SPEF2: variants seen among roughly 807,000 people sequenced by gnomAD.
SPEF2 encodes sperm flagellar and cilia associated 2.
A neutral mutation model predicts 224.6 loss-of-function variants in SPEF2; 187 were observed. The observed-to-expected ratio is 0.83, with a 90% CI of 0.74 to 0.94. SPEF2 has a LOEUF of 0.94. SPEF2 is among the 40% of genes least tolerant of loss of function. The probability of loss-of-function intolerance (pLI) is 0.00; values close to 1 mark genes in which losing one functional copy is unlikely to be tolerated. For missense variants in SPEF2, 2,170 were observed against 2,135.6 expected (o/e 1.02, Z -0.32); for synonymous variants, 715 against 707.3 (o/e 1.01, Z -0.17).
chr5:35,704,443 T>G, intron 16 of SPEF2, 111 bp from the exon 17 acceptor site: 1 of 626,076 alleles, frequency 1.6e-6, no homozygotes, highest in South Asian at 2.2e-5. Flanking sequence ...TAAGTAACAC[T>G]GGACCAAATA....
intron 3 of SPEF2, chr5:35,643,797 C>A: frequency 4.0e-6 from 1 of 252,788 alleles, no homozygotes; most frequent in African/African-American, 2.2e-5. Context: ...ACTGGATCTT[C>A]ACAACAGCCA....
intron 30 of SPEF2, among the ~76,000 whole-genome samples, chr5:35,785,832 C>G (rs1464882010): frequency 6.6e-6 from 1 of 151,858 alleles, no homozygotes; most frequent in Non-Finnish European, 1.5e-5. Context: ...GCTGAGAGTA[C>G]AGCCATGAGC....
At position 35,691,793 on chromosome 5, in the gene SPEF2, T is replaced by TTTTA. The variant is rs1405362639; in HGVS notation, c.1744+553_1744+556dup. Among the ~76,000 whole-genome samples, 5 of 152,250 alleles carry TTTTA rather than the reference T, an allele frequency of 3.3e-5. No homozygotes were observed. In the South Asian group the frequency reaches 1.0e-3, roughly 32 times the overall value. On this transcript the variant is annotated intron_variant, in intron 11 of 36. Transcript: ENST00000356031. The stretch of plus-strand genomic sequence containing the variant: ...ATCACAATTTTTATCTTTGTTTTAT[T>TTTTA]TTTATTTATTTATTTATTTTTTCGA...
intron 20 of SPEF2, among the ~76,000 whole-genome samples, chr5:35,725,480 C>T (rs1391373674): frequency 6.6e-6 from 1 of 152,132 alleles, no homozygotes; most frequent in Non-Finnish European, 1.5e-5. Context: ...ATCTTTTCCT[C>T]CCTCCTACAA....
chr5:35,678,959 A>T (rs1043129671), intron 10 of SPEF2, among the ~76,000 whole-genome samples: 1 of 152,168 alleles, frequency 6.6e-6, no homozygotes, highest in Non-Finnish European at 1.5e-5. Flanking sequence ...CAAATGTTTA[A>T]ATCTGAATAA....
intron 34 of SPEF2, among the ~76,000 whole-genome samples, chr5:35,805,190 C>G (rs926534849): frequency 6.6e-6 from 1 of 151,950 alleles, no homozygotes; most frequent in African/African-American, 2.4e-5. Flanking sequence ...TAGAGCATTC[C>G]CTCTGTCTTT....
At position 35,694,386 on chromosome 5, in the gene SPEF2, C is replaced by G. The variant is rs74742706; in HGVS notation, c.1975+23C>G. 47 of 1,329,626 alleles carry G rather than the reference C, an allele frequency of 3.5e-5. No individual in the cohort carries two copies. The South Asian group carries it at 6.6e-4, about 19-fold the overall frequency. The allele number at this position is 1,329,626 out of a possible 1,614,324, so 82.4% of individuals were successfully genotyped here. Reference sequence around the variant, plus strand: ...TTAGTAAGATCTCAAAACAAATCATCTATTATTTACATTAGAGAGAGAAAC... The same window carrying G: ...TTAGTAAGATCTCAAAACAAATCATGTATTATTTACATTAGAGAGAGAAAC... On this transcript the variant is annotated intron_variant, in intron 13 of 36. Transcript: ENST00000356031.
rs187919805 is a variant in SPEF2 at position 35,795,083 on chromosome 5, C to T, written c.4738-620C>T. ...AAAATTTTATAAGATTTGTCGAAAA[C>T]GCCCCATTAGGACAGTAAAATAGTA... On this transcript the variant is annotated intron_variant, in intron 32 of 36. Coordinates refer to ENST00000356031, the MANE Select transcript of SPEF2 (RefSeq NM_024867.4). Among the ~76,000 whole-genome samples, 68 of 152,106 alleles carry T rather than the reference C, an allele frequency of 4.5e-4. 1 individual carries two copies. In the East Asian group the frequency reaches 0.011, roughly 25 times the overall value.
At chr5:35,798,872 C>T (rs547942916) in intron 33 of SPEF2, among the ~76,000 whole-genome samples, 11 of 152,020 alleles carry the variant, frequency 7.2e-5, no homozygotes, top group African/African-American at 2.7e-4. Context: ...GCTGGGATTA[C>T]AGACATGAGC....
intron 33 of SPEF2, among the ~76,000 whole-genome samples, chr5:35,799,535 G>A (rs769546268): frequency 2.0e-5 from 3 of 152,076 alleles, no homozygotes; most frequent in Non-Finnish European, 2.9e-5. Flanking sequence ...AATCCCAGTG[G>A]CTTTAGGCAT....
intron 24 of SPEF2, among the ~76,000 whole-genome samples, chr5:35,754,282 G>A (rs1234352065): frequency 1.3e-5 from 2 of 152,290 alleles, no homozygotes; most frequent in Non-Finnish European, 2.9e-5. Context: ...GGCAAGATTA[G>A]AAGACAGGTG....
rs910236734 is a variant in SPEF2 at position 35,618,809 on chromosome 5, G to A, written c.58+754G>A. ...AACCACAGAGACAATTTTACATGCT[G>A]GCAGCTTCCTTGACTGCCCTGTAAT... On this transcript the variant is annotated intron_variant, in intron 1 of 36. Coordinates refer to ENST00000356031, the MANE Select transcript of SPEF2 (RefSeq NM_024867.4). Among the ~76,000 whole-genome samples the A allele has an allele frequency of 3.0e-4, 45 of 151,940 alleles. 1 individual carries two copies.
chr5:35,752,216 G>A (rs907954283), intron 23 of SPEF2, among the ~76,000 whole-genome samples: 1 of 152,042 alleles, frequency 6.6e-6, no homozygotes, highest in East Asian at 1.9e-4. Flanking sequence ...GTACCACCTC[G>A]CGGCCCAAGG....
chr5:35,630,134 C>T (rs765145543), intron 2 of SPEF2, among the ~76,000 whole-genome samples: 8 of 152,148 alleles, frequency 5.3e-5, no homozygotes, highest in African/African-American at 1.2e-4. Flanking sequence ...TGGACAGCTC[C>T]GTCCCTGTGG....
intron 23 of SPEF2, among the ~76,000 whole-genome samples, chr5:35,745,508 G>C (rs953418871): frequency 6.6e-6 from 1 of 152,014 alleles, no homozygotes; most frequent in African/African-American, 2.4e-5. Context: ...CCGGCCCTTA[G>C]GTTTGCATGG....
Position 35,620,819 on chromosome 5 carries a change from T to C in SPEF2, c.58+2764T>C, listed in dbSNP as rs191826379. 1.0e-3 allele frequency among the ~76,000 whole-genome samples: 152 copies of C among 152,308 alleles called. 1 individual carries two copies. The highest frequency in any genetic ancestry group is 3.5e-3 in the African/African-American group (146 of 41,582). Reference sequence around the variant, plus strand: ...AGTATAATTATATATTTGTACCAATTAGGAAACACACACTTATGAATATGG... The same window carrying C: ...AGTATAATTATATATTTGTACCAATCAGGAAACACACACTTATGAATATGG... On this transcript the variant is annotated intron_variant, in intron 1 of 36. Coordinates refer to ENST00000356031, the MANE Select transcript of SPEF2 (RefSeq NM_024867.4).
At chr5:35,756,269 T>C (rs977124942) in intron 24 of SPEF2, among the ~76,000 whole-genome samples, 3 of 152,102 alleles carry the variant, frequency 2.0e-5, no homozygotes, top group South Asian at 2.1e-4. Flanking sequence ...AAAATCATAG[T>C]GTATATAAGG....
At chr5:35,690,669 T>C (rs952711750) in intron 10 of SPEF2, among the ~76,000 whole-genome samples, 5 of 152,066 alleles carry the variant, frequency 3.3e-5, no homozygotes, top group Non-Finnish European at 7.4e-5. Flanking sequence ...CTTTAAAATA[T>C]TATAAAATAA....
chr5:35,630,224 A>G (rs1744893488), intron 2 of SPEF2, among the ~76,000 whole-genome samples: 1 of 151,776 alleles, frequency 6.6e-6, no homozygotes, highest in African/African-American at 2.4e-5. Flanking sequence ...TGCATGGTGC[A>G]AGCTGTCGGT....
Sources: gnomAD v4.1 joint callset for allele counts (sites outside exome capture counted in the v4.1 genomes callset) on GRCh38, gnomAD v4.1.1 for gene constraint, MANE v1.5 for transcripts, NCBI Gene and HGNC (gene_info 2026-07-23, HGNC 2026-07-21) for gene names.